FHIT: variants seen among roughly 807,000 people sequenced by gnomAD.
FHIT encodes fragile histidine triad diadenosine triphosphatase.
FHIT carries 19 observed loss-of-function variants against 17.9 expected under a neutral mutation model. That is an observed-to-expected ratio of 1.06 (90% CI 0.74 to 1.56). The LOEUF (loss-of-function observed/expected upper bound fraction) is 1.56. Ranked by LOEUF, FHIT falls within the 40% of genes most tolerant of loss-of-function variation. The probability of loss-of-function intolerance (pLI) is 0.00; values close to 1 mark genes in which losing one functional copy is unlikely to be tolerated. For missense variants in FHIT, 248 were observed against 189.2 expected, an observed-to-expected ratio of 1.31 and a Z score of -1.82; for synonymous variants, 81 against 69.7, an observed-to-expected ratio of 1.16 and a Z score of -0.81.
chr3:60,285,568 G>C (rs1707684543), intron 5 of FHIT, among the ~76,000 whole-genome samples: 1 of 152,120 alleles, frequency 6.6e-6, no homozygotes, highest in African/African-American at 2.4e-5. Flanking sequence ...CACAGATCTA[G>C]ATGCTGCTGT....
At chr3:61,234,599 T>C (rs376770339) in intron 1 of FHIT, among the ~76,000 whole-genome samples, 105 of 152,356 alleles carry the variant, frequency 6.9e-4, no homozygotes, top group African/African-American at 2.5e-3. Context: ...CACTGAAATA[T>C]TGATAGTGCT....
chr3:60,363,176 G>A (rs763699449), intron 5 of FHIT, among the ~76,000 whole-genome samples: 7 of 152,066 alleles, frequency 4.6e-5, no homozygotes, highest in African/African-American at 1.2e-4. Flanking sequence ...CTCTAAATTC[G>A]TGGTGCTCCT....
Position 60,806,124 on chromosome 3 carries a change from G to A in FHIT, c.-18+15795C>T, listed in dbSNP as rs1030200652. Among the ~76,000 whole-genome samples the A allele has an allele frequency of 2.0e-5, 3 of 152,180 alleles. No individual in the cohort carries two copies. In the East Asian group the frequency reaches 5.8e-4, roughly 29 times the overall value. On this transcript the variant is annotated intron_variant, in intron 4 of 9. Transcript: ENST00000492590. ...AAAAGTTCAGAAAATGGAAACAAATGTGGCACTCAAATACACAACTATTTT... is the reference window on the plus strand; with the variant it reads ...AAAAGTTCAGAAAATGGAAACAAATATGGCACTCAAATACACAACTATTTT...
intron 8 of FHIT, among the ~76,000 whole-genome samples, chr3:59,757,003 G>T (rs114977183): frequency 1.2e-3 from 178 of 152,216 alleles, no homozygotes; most frequent in African/African-American, 4.0e-3. Context: ...ACTTCCAACT[G>T]ACTGTGTCTG....
chr3:60,679,010 T>C (rs1325111191), intron 4 of FHIT, among the ~76,000 whole-genome samples: 1 of 151,398 alleles, frequency 6.6e-6, no homozygotes, highest in African/African-American at 2.4e-5. Flanking sequence ...CTTTTGTCTG[T>C]GACATAACAC....
At chr3:60,974,861 T>A (rs2107537500) in intron 3 of FHIT, among the ~76,000 whole-genome samples, 1 of 152,304 alleles carries the variant, frequency 6.6e-6, no homozygotes. Flanking sequence ...ATAGCCCCAT[T>A]CTTGAAGTTC....
intron 5 of FHIT, among the ~76,000 whole-genome samples, chr3:60,229,450 AAAAG>A (rs1255058049): frequency 1.3e-5 from 2 of 151,862 alleles, no homozygotes; most frequent in East Asian, 1.9e-4. Context: ...AAAAGAAAAG[AAAAG>A]AAAGAAAGAA....
chr3:59,761,616 T>TC (rs1701520033), intron 8 of FHIT, among the ~76,000 whole-genome samples: 1 of 152,140 alleles, frequency 6.6e-6, no homozygotes, highest in Non-Finnish European at 1.5e-5. Flanking sequence ...ATTTTATTTT[T>TC]TTTTTTTCGA....
Position 59,922,426 on chromosome 3 carries a change from CAAGA to C in FHIT, c.280-16_280-13del, listed in dbSNP as rs747401417. 6.2e-7 allele frequency: 1 copy of C among 1,607,362 alleles called. No homozygotes were observed. Among genetic ancestry groups the C allele is most frequent in the Non-Finnish European group, 8.5e-7 (1 of 1,176,804 alleles). On this transcript the variant is annotated splice_polypyrimidine_tract_variant and intron_variant, in intron 7 of 9. Coordinates refer to ENST00000492590, the MANE Select transcript of FHIT (RefSeq NM_002012.4). ...TGGACGTGAACGTGCTGAAAATGTA[CAAGA>C]AAGAAAAAAAATGTGATTATCTCCC...
chr3:60,833,134 G>A (rs186163715), intron 3 of FHIT, among the ~76,000 whole-genome samples: 1 of 152,224 alleles, frequency 6.6e-6, no homozygotes, highest in East Asian at 1.9e-4. Flanking sequence ...TTTAAGTATG[G>A]GAAAGAGCAG....
chr3:59,898,593 A>G (rs891796047), intron 8 of FHIT, among the ~76,000 whole-genome samples: 1 of 152,178 alleles, frequency 6.6e-6, no homozygotes, highest in African/African-American at 2.4e-5. Flanking sequence ...ACTAGAATGT[A>G]ACAAGCAGCT....
intron 5 of FHIT, among the ~76,000 whole-genome samples, chr3:60,477,155 C>A (rs1056650453): frequency 1.9e-4 from 29 of 151,760 alleles, no homozygotes; most frequent in African/African-American, 7.0e-4. Flanking sequence ...CATTAACCCA[C>A]GGTGAGGAAG....
intron 3 of FHIT, among the ~76,000 whole-genome samples, chr3:60,928,359 A>C (rs1257281193): frequency 8.1e-6 from 1 of 124,078 alleles, no homozygotes; most frequent in Non-Finnish European, 1.6e-5. Context: ...AAGTGTATGA[A>C]AGAACTTTAA....
chr3:60,914,285 T>A (rs1412922405), intron 3 of FHIT, among the ~76,000 whole-genome samples: 1 of 152,146 alleles, frequency 6.6e-6, no homozygotes, highest in Non-Finnish European at 1.5e-5. Flanking sequence ...GGAATACATA[T>A]CTTGAAATTT....
intron 5 of FHIT, among the ~76,000 whole-genome samples, chr3:60,419,793 A>C (rs1298775659): frequency 6.6e-6 from 1 of 152,208 alleles, no homozygotes; most frequent in African/African-American, 2.4e-5. Context: ...AATCTTTAAA[A>C]AGGTATCAAT....
intron 8 of FHIT, among the ~76,000 whole-genome samples, chr3:59,888,065 A>T (rs1703701451): frequency 1.3e-5 from 2 of 152,166 alleles, no homozygotes; most frequent in Admixed American, 1.3e-4. Flanking sequence ...TGTACTTTCT[A>T]ACTTTTATCC....
intron 5 of FHIT, among the ~76,000 whole-genome samples, chr3:60,354,684 T>C (rs575549335): frequency 6.6e-6 from 1 of 152,342 alleles, no homozygotes; most frequent in South Asian, 2.1e-4. Flanking sequence ...AATTCAATCT[T>C]ATTTTTAAAT....
intron 2 of FHIT, among the ~76,000 whole-genome samples, chr3:61,055,522 C>G (rs774556974): frequency 6.6e-6 from 1 of 152,192 alleles, no homozygotes; most frequent in Non-Finnish European, 1.5e-5. Flanking sequence ...GCTCCAACCA[C>G]GTGCTAGCCC....
At chr3:60,822,646 G>A (rs1390811166) in intron 3 of FHIT, among the ~76,000 whole-genome samples, 3 of 152,036 alleles carry the variant, frequency 2.0e-5, no homozygotes, top group African/African-American at 7.3e-5. Context: ...TATCAAACGG[G>A]TATAATAATA....
Sources: gnomAD v4.1 joint callset for allele counts (sites outside exome capture counted in the v4.1 genomes callset) on GRCh38, gnomAD v4.1.1 for gene constraint, MANE v1.5 for transcripts, NCBI Gene and HGNC (gene_info 2026-07-23, HGNC 2026-07-21) for gene names.